The following RNASEH2B variants were observed in gnomAD, a reference collection of about 807,000 sequenced individuals.
The protein encoded by RNASEH2B is ribonuclease H2 subunit B.
A neutral mutation model predicts 45.0 loss-of-function variants in RNASEH2B; 36 were observed. The ratio of observed to expected loss-of-function variants is 0.80; its 90% CI spans 0.61 to 1.06. The LOEUF (loss-of-function observed/expected upper bound fraction) is 1.06, where lower values mean the gene tolerates loss of function less well. Ranked by LOEUF, RNASEH2B falls within the 50% of genes least tolerant of loss-of-function variation. RNASEH2B has a pLI of 0.00. For synonymous variants in RNASEH2B, 119 were observed against 125.7 expected (o/e 0.95, Z 0.35); for missense variants, 361 against 360.3 (o/e 1.00, Z -0.02).
intron 1 of RNASEH2B, 76 bp downstream of exon 1, chr13:50,910,216 C>A: frequency 8.9e-7 from 1 of 1,121,568 alleles, no homozygotes; most frequent in Non-Finnish European, 1.2e-6. Context: ...CGCGCCGCCC[C>A]CCACCCCGGT....
intron 9 of RNASEH2B, among the ~76,000 whole-genome samples, chr13:50,967,220 T>C (rs1433261231): frequency 6.6e-6 from 1 of 152,164 alleles, no homozygotes; most frequent in African/African-American, 2.4e-5. Context: ...TCCCCTAAAC[T>C]CTTTAGATGA....
chr13:50,950,365 T>A (rs1593477157), intron 9 of RNASEH2B: 1 of 152,162 alleles, frequency 6.6e-6, no homozygotes, highest in Non-Finnish European at 1.5e-5. Flanking sequence ...TGTATAAAGG[T>A]GGTGGTGGCT....
chr13:50,950,955 C>T (rs1379690027), intron 9 of RNASEH2B: 2 of 152,220 alleles, frequency 1.3e-5, no homozygotes, highest in African/African-American at 2.4e-5. Flanking sequence ...AGCAGATGGA[C>T]TCTATTGCAG....
chr13:50,967,424 C>T (rs1364424433), intron 9 of RNASEH2B, among the ~76,000 whole-genome samples: 2 of 152,100 alleles, frequency 1.3e-5, no homozygotes, highest in East Asian at 1.9e-4. Flanking sequence ...ACTGGCAAAG[C>T]GCATTGTGAT....
At chr13:50,924,462 A>G (rs1321711528) in intron 1 of RNASEH2B, among the ~76,000 whole-genome samples, 1 of 152,238 alleles carries the variant, frequency 6.6e-6, no homozygotes, top group Non-Finnish European at 1.5e-5. Flanking sequence ...TATTGGGAAG[A>G]TATCATAATT....
chr13:50,930,172 G>A (rs1320244672), intron 3 of RNASEH2B: 4 of 223,022 alleles, frequency 1.8e-5, no homozygotes, highest in South Asian at 6.5e-5. Context: ...GCAGTCAGTG[G>A]CTATTCAAAG....
chr13:50,944,383 A>G (rs1951872251), intron 6 of RNASEH2B, among the ~76,000 whole-genome samples: 1 of 152,050 alleles, frequency 6.6e-6, no homozygotes, highest in African/African-American at 2.4e-5. Flanking sequence ...GTTCTCTCTC[A>G]TAAGTGGGAG....
At chr13:50,969,947 C>A in exon 10 of RNASEH2B, 1 of 1,551,660 alleles carries the variant, frequency 6.4e-7, no homozygotes, top group Non-Finnish European at 8.7e-7. Flanking sequence ...AGCACAAAGA[C>A]AGAAAAGGGG....
chr13:50,940,662 A>G (rs148861682), intron 5 of RNASEH2B, among the ~76,000 whole-genome samples: 1 of 152,278 alleles, frequency 6.6e-6, no homozygotes, highest in African/African-American at 2.4e-5. Flanking sequence ...GGTTTTAGAC[A>G]CATGGAGGCT....
chr13:50,959,827 A>G (rs1311806069), downstream of RNASEH2B: 1 of 181,378 alleles, frequency 5.5e-6, no homozygotes, highest in Non-Finnish European at 1.1e-5. Context: ...TGTGAGGTAA[A>G]GCTGTAATTT....
Position 50,939,648 on chromosome 13 carries a change from T to C in RNASEH2B, c.437-3673T>C, listed in dbSNP as rs530902410. On this transcript the variant is annotated intron_variant, in intron 5 of 10. Coordinates refer to ENST00000336617, the MANE Select transcript of RNASEH2B (RefSeq NM_024570.4). ...TTATATGGTCAATTGATTTTTTTTT[T>C]CCAAAAGTGTGAAGATAATTCAGTG... 5.0e-3 allele frequency among the ~76,000 whole-genome samples: 756 copies of C among 152,296 alleles called. 5 individuals carry two copies. Among genetic ancestry groups the C allele is most frequent in the South Asian group, 0.038 (183 of 4,832 alleles).
At chr13:50,945,728 A>T (rs1387436831) in intron 7 of RNASEH2B, among the ~76,000 whole-genome samples, 196 bp downstream of exon 7, 2 of 152,198 alleles carry the variant, frequency 1.3e-5, no homozygotes, top group African/African-American at 4.8e-5. Flanking sequence ...TCTGTCATTC[A>T]TTGATACTTA....
chr13:50,944,783 T>C (rs960052013), intron 6 of RNASEH2B, among the ~76,000 whole-genome samples: 25 of 152,188 alleles, frequency 1.6e-4, no homozygotes, highest in African/African-American at 6.0e-4. Context: ...TGTTTCATTT[T>C]TTATTTGTGA....
Position 50,930,737 on chromosome 13 carries a change from A to G in RNASEH2B, c.299A>G (p.Tyr100Cys), listed in dbSNP as rs1951670203. The G allele has an allele frequency of 6.2e-7, 1 of 1,613,456 alleles. No homozygotes were observed. Among genetic ancestry groups the G allele is most frequent in the African/African-American group, 1.3e-5 (1 of 74,836 alleles). The change falls in exon 4 of 11, where the codon TAC (tyrosine) becomes TGC (cysteine). Residue 100 changes from tyrosine to cysteine, a missense_variant. By Grantham distance (194) the Tyr-to-Cys change is radical. Coordinates refer to ENST00000336617, the MANE Select transcript of RNASEH2B (RefSeq NM_024570.4). ...PVDPLFLLLH[Y>C]LIKADKEGKF... ...GATCCTCTATTTCTGCTTCTCCACT[A>G]CCTCATAAAGGCTGATAAGGAGGTG...
At chr13:50,951,807 A>T (rs1043639913) in intron 9 of RNASEH2B, 3 of 152,216 alleles carry the variant, frequency 2.0e-5, no homozygotes, top group Admixed American at 1.3e-4. Flanking sequence ...TGGGAATAAC[A>T]TACAAACTAG....
chr13:50,953,710 A>G, intron 9 of RNASEH2B, 195 bp from the exon 10 acceptor site: 1 of 606,194 alleles, frequency 1.6e-6, no homozygotes, highest in Non-Finnish European at 2.9e-6. Context: ...GCTGCTTCTT[A>G]GGAGTGATGT....
chr13:50,917,188 C>T (rs986491396), intron 1 of RNASEH2B, among the ~76,000 whole-genome samples: 12 of 152,130 alleles, frequency 7.9e-5, no homozygotes, highest in African/African-American at 2.7e-4. Flanking sequence ...AGGAGGAGGA[C>T]AAAGTGGGCA....
At chr13:50,925,625 G>C (rs1435701456) in intron 1 of RNASEH2B, among the ~76,000 whole-genome samples, 1 of 152,142 alleles carries the variant, frequency 6.6e-6, no homozygotes, top group East Asian at 1.9e-4. Context: ...TGAATTGTGA[G>C]GTTTTACAGT....
intron 7 of RNASEH2B, among the ~76,000 whole-genome samples, 190 bp from the exon 8 acceptor site, chr13:50,947,797 A>T (rs1195226858): frequency 6.6e-6 from 1 of 151,996 alleles, no homozygotes; most frequent in Non-Finnish European, 1.5e-5. Context: ...CATCCCTCAT[A>T]TCTTCCCACT....
Sources: gnomAD v4.1 joint callset for allele counts (sites outside exome capture counted in the v4.1 genomes callset) on GRCh38, gnomAD v4.1.1 for gene constraint, MANE v1.5 for transcripts, NCBI Gene and HGNC (gene_info 2026-07-23, HGNC 2026-07-21) for gene names.